The following SOS1 variants were observed in gnomAD, a reference collection of about 807,000 sequenced individuals.
SOS1 encodes the protein SOS Ras/Rac guanine nucleotide exchange factor 1.
In SOS1, 25 loss-of-function variants were observed where a neutral mutation model predicts 157.6. That is an observed-to-expected ratio of 0.16 (90% CI 0.12 to 0.22). The LOEUF (loss-of-function observed/expected upper bound fraction) is 0.22, where lower values mean the gene tolerates loss of function less well. SOS1 is among the 10% of genes least tolerant of loss of function. The pLI, the probability that SOS1 is intolerant of heterozygous loss-of-function variation, is 1.00. For missense variants in SOS1, 1,237 were observed against 1,599.1 expected (o/e 0.77, Z 3.86); for synonymous variants, 528 against 534.0 (o/e 0.99, Z 0.16).
chr2:39,020,349 A>G (rs1669759893), intron 10 of SOS1, among the ~76,000 whole-genome samples: 1 of 151,774 alleles, frequency 6.6e-6, no homozygotes, highest in Non-Finnish European at 1.5e-5. Flanking sequence ...TAACCAAACT[A>G]TAATAATCTA....
chr2:38,992,534 C>G (rs2124469631), intron 20 of SOS1: 1 of 152,314 alleles, frequency 6.6e-6, no homozygotes, highest in Non-Finnish European at 1.5e-5. Context: ...GCACTGCATT[C>G]TAGAATGATT....
chr2:39,051,282 T>C lies in SOS1; in HGVS notation c.726A>G (p.Val242=), dbSNP rs1378914590. 2.5e-6 allele frequency: 4 copies of C among 1,611,040 alleles called. No individual in the cohort carries two copies. Among genetic ancestry groups the C allele is most frequent in the Non-Finnish European group, 3.4e-6 (4 of 1,177,468 alleles). ...SNSKLFSAND[V]ENIFSRIVDI... is the part of the protein sequence containing the mutation. The stretch of plus-strand genomic sequence containing the variant: ...CTACTATGCGACTAAATATATTTTC[T>C]ACATCCTGTTTGGGGGAAAACACAT... Residue 242 remains valine (V), a synonymous_variant, in exon 6 of 23, where the codon GTA becomes GTG. Transcript: ENST00000402219.
chr2:39,017,923 CTAAGA>C (rs903319142), intron 10 of SOS1, among the ~76,000 whole-genome samples: 7 of 151,862 alleles, frequency 4.6e-5, no homozygotes, highest in Non-Finnish European at 1.0e-4. Context: ...ATGTAAAGAG[CTAAGA>C]TAATATAAAC....
chr2:39,060,138 A>G (rs1671350032), intron 2 of SOS1, among the ~76,000 whole-genome samples: 1 of 152,192 alleles, frequency 6.6e-6, no homozygotes, highest in Non-Finnish European at 1.5e-5. Flanking sequence ...TAATCCAAAA[A>G]TGACAAGATA....
chr2:39,051,344 A>C, intron 5 of SOS1, 57 bp from the exon 6 acceptor site: 2 of 1,492,676 alleles, frequency 1.3e-6, no homozygotes, highest in Admixed American at 3.4e-5. Flanking sequence ...ATATTAAACA[A>C]ATTTTGAGCC....
intron 14 of SOS1, 127 bp downstream of exon 14, chr2:39,011,999 T>C (rs1669487988): frequency 1.3e-6 from 1 of 747,046 alleles, no homozygotes; most frequent in Non-Finnish European, 2.4e-6. Context: ...CCTGGCCTTA[T>C]TACTAGACAC....
At chr2:39,013,401 G>A in intron 13 of SOS1, 59 bp downstream of exon 13, 3 of 944,880 alleles carry the variant, frequency 3.2e-6, no homozygotes, top group Non-Finnish European at 5.3e-6. Context: ...TCAATTGATA[G>A]TCACCGTGTT....
At chr2:39,026,203 A>G (rs1669954985) in intron 8 of SOS1, among the ~76,000 whole-genome samples, 1 of 152,066 alleles carries the variant, frequency 6.6e-6, no homozygotes, top group Admixed American at 6.5e-5. Flanking sequence ...AAAAATACAA[A>G]AATTAGCTGG....
intron 4 of SOS1, among the ~76,000 whole-genome samples, chr2:39,056,410 C>T (rs1178943351): frequency 6.6e-6 from 1 of 151,778 alleles, no homozygotes; most frequent in Non-Finnish European, 1.5e-5. Flanking sequence ...GAGTGAGATT[C>T]CGTCTCAAAA....
chr2:39,000,369 A>G (rs1669050914), intron 17 of SOS1, among the ~76,000 whole-genome samples: 1 of 152,212 alleles, frequency 6.6e-6, no homozygotes, highest in African/African-American at 2.4e-5. Flanking sequence ...AACATAGCGT[A>G]TATGTGTGTA....
intron 1 of SOS1, among the ~76,000 whole-genome samples, chr2:39,106,417 C>T (rs1031104554): frequency 1.3e-5 from 2 of 151,446 alleles, no homozygotes; most frequent in South Asian, 2.1e-4. Flanking sequence ...GGTGAAACCC[C>T]GTCTCTACTA....
intron 10 of SOS1, among the ~76,000 whole-genome samples, chr2:39,016,202 T>C (rs937689519): frequency 2.0e-5 from 3 of 152,094 alleles, no homozygotes; most frequent in African/African-American, 7.2e-5. Flanking sequence ...TAATAACTGA[T>C]TTAAATATCA....
At chr2:39,000,879 G>A (rs930475479) in intron 17 of SOS1, among the ~76,000 whole-genome samples, 2 of 152,184 alleles carry the variant, frequency 1.3e-5, no homozygotes, top group Non-Finnish European at 2.9e-5. Flanking sequence ...TAAAAGACAG[G>A]CCAGGATATG....
intron 8 of SOS1, among the ~76,000 whole-genome samples, chr2:39,034,237 T>C (rs989808971): frequency 6.6e-6 from 1 of 152,230 alleles, no homozygotes; most frequent in Non-Finnish European, 1.5e-5. Flanking sequence ...TCCAAATGAC[T>C]ACTATGCAGT....
At chr2:39,116,802 G>T (rs528861187) in intron 1 of SOS1, among the ~76,000 whole-genome samples, 3 of 152,172 alleles carry the variant, frequency 2.0e-5, no homozygotes, top group Non-Finnish European at 4.4e-5. Flanking sequence ...AGTGAGCCAA[G>T]ATCGCACCAC....
intron 1 of SOS1, among the ~76,000 whole-genome samples, chr2:39,104,598 T>C (rs920967531): frequency 1.3e-5 from 2 of 152,190 alleles, no homozygotes; most frequent in African/African-American, 4.8e-5. Context: ...ACCCAGCAAT[T>C]CCATTCCAAG....
chr2:38,999,686 C>T (rs765694481), intron 17 of SOS1, among the ~76,000 whole-genome samples: 1 of 152,172 alleles, frequency 6.6e-6, no homozygotes, highest in East Asian at 1.9e-4. Context: ...CCACTCAGCT[C>T]AGTGTTCAGT....
At chr2:39,013,785 G>T in intron 12 of SOS1, 82 bp downstream of exon 12, 1 of 1,221,502 alleles carries the variant, frequency 8.2e-7, no homozygotes, top group Non-Finnish European at 1.2e-6. Context: ...CCCTCTCCTT[G>T]TTTGGGAAAG....
chr2:39,098,766 G>A (rs1672861422), intron 1 of SOS1, among the ~76,000 whole-genome samples: 1 of 152,166 alleles, frequency 6.6e-6, no homozygotes, highest in African/African-American at 2.4e-5. Context: ...GCAGGCGCCT[G>A]TGGTCCCAGC....
Sources: gnomAD v4.1 joint callset for allele counts (sites outside exome capture counted in the v4.1 genomes callset) on GRCh38, gnomAD v4.1.1 for gene constraint, MANE v1.5 for transcripts, NCBI Gene and HGNC (gene_info 2026-07-23, HGNC 2026-07-21) for gene names.